TMCC1: variants seen among roughly 807,000 people sequenced by gnomAD.
TMCC1 encodes transmembrane and coiled-coil domains protein 1.
Under a neutral mutation model 52.4 loss-of-function variants are expected in TMCC1, and 15 were observed. The observed-to-expected ratio is 0.29, with a 90% CI of 0.19 to 0.44. The LOEUF (loss-of-function observed/expected upper bound fraction) is 0.44, where lower values mean the gene tolerates loss of function less well. Among genes scored for constraint, TMCC1 ranks in the 20% least tolerant of loss-of-function variants. The pLI is 1.00. For synonymous variants in TMCC1, 279 were observed against 301.9 expected (o/e 0.92, Z 0.79); for missense variants, 503 against 806.0 (o/e 0.62, Z 4.55).
chr3:129,703,879 C>T (rs2108979217), intron 4 of TMCC1, among the ~76,000 whole-genome samples: 1 of 152,244 alleles, frequency 6.6e-6, no homozygotes, highest in African/African-American at 2.4e-5. Context: ...TCATTTCTTC[C>T]TGAGACATTA....
intron 4 of TMCC1, among the ~76,000 whole-genome samples, chr3:129,755,518 T>C (rs1161230831): frequency 1.3e-5 from 2 of 152,046 alleles, no homozygotes; most frequent in Non-Finnish European, 2.9e-5. Flanking sequence ...AAAGATCTAA[T>C]CCAGAATATG....
chr3:129,754,907 G>A (rs550602275), intron 4 of TMCC1, among the ~76,000 whole-genome samples: 35 of 152,030 alleles, frequency 2.3e-4, no homozygotes, highest in African/African-American at 7.2e-4. Flanking sequence ...GTGAAACCTC[G>A]TCTCTACTAA....
At chr3:129,676,858 G>T (rs2088494258) in intron 4 of TMCC1, among the ~76,000 whole-genome samples, 1 of 152,124 alleles carries the variant, frequency 6.6e-6, no homozygotes, top group African/African-American at 2.4e-5. Context: ...GATGTATTAA[G>T]TCAGATGATG....
At chr3:129,766,669 G>A (rs1349346163) in intron 4 of TMCC1, among the ~76,000 whole-genome samples, 1 of 151,898 alleles carries the variant, frequency 6.6e-6, no homozygotes, top group South Asian at 2.1e-4. Context: ...CGCCCAGGCT[G>A]GAGTGTAGCA....
chr3:129,747,916 G>A (rs367836469), intron 4 of TMCC1, among the ~76,000 whole-genome samples: 1 of 152,084 alleles, frequency 6.6e-6, no homozygotes, highest in African/African-American at 2.4e-5. Context: ...AACTAAGAAA[G>A]AACCCTGTAA....
intron 4 of TMCC1, among the ~76,000 whole-genome samples, chr3:129,674,399 A>G (rs1330317297): frequency 6.6e-6 from 1 of 152,182 alleles, no homozygotes; most frequent in Non-Finnish European, 1.5e-5. Flanking sequence ...CTTCAGCAGT[A>G]AGGTAGTTTA....
chr3:129,812,445 T>C (rs915874161), intron 4 of TMCC1, among the ~76,000 whole-genome samples: 1 of 151,628 alleles, frequency 6.6e-6, no homozygotes, highest in African/African-American at 2.4e-5. Flanking sequence ...TGGTACTCTG[T>C]AGGACTACAA....
At chr3:129,725,057 T>A (rs1361003853) in intron 4 of TMCC1, among the ~76,000 whole-genome samples, 3 of 152,218 alleles carry the variant, frequency 2.0e-5, no homozygotes, top group Admixed American at 6.5e-5. Flanking sequence ...AAATTTCTGA[T>A]AAAGTTTTTG....
chr3:129,850,116 C>T (rs2059850332), intron 2 of TMCC1, among the ~76,000 whole-genome samples: 1 of 152,126 alleles, frequency 6.6e-6, no homozygotes. Context: ...TGGAAGGATA[C>T]TACCACCTCC....
chr3:129,811,533 G>C (rs1187758425), intron 4 of TMCC1, among the ~76,000 whole-genome samples: 4 of 152,258 alleles, frequency 2.6e-5, no homozygotes, highest in Middle Eastern at 3.4e-3. Flanking sequence ...CTCCCAAAGT[G>C]CTGGGATTAG....
chr3:129,879,018 T>C (rs2061347022), intron 2 of TMCC1, among the ~76,000 whole-genome samples: 1 of 152,240 alleles, frequency 6.6e-6, no homozygotes. Flanking sequence ...TACTCAAATG[T>C]CACCTTCTGT....
intron 4 of TMCC1, among the ~76,000 whole-genome samples, chr3:129,713,268 C>T (rs1470729961): frequency 1.3e-5 from 2 of 152,038 alleles, no homozygotes; most frequent in Admixed American, 6.6e-5. Context: ...CTCTAAAACT[C>T]GTAGGTAATC....
chr3:129,893,385 T>G (rs1408365731), intron 1 of TMCC1, 109 bp downstream of exon 1: 1 of 152,334 alleles, frequency 6.6e-6, no homozygotes, highest in Non-Finnish European at 1.5e-5. Flanking sequence ...CAGGCCCGCG[T>G]CCGCTGCGCC....
intron 5 of TMCC1, among the ~76,000 whole-genome samples, chr3:129,668,379 A>G (rs193202032): frequency 6.6e-6 from 1 of 152,330 alleles, no homozygotes; most frequent in African/African-American, 2.4e-5. Flanking sequence ...TTTCACTTAA[A>G]TATCACAATA....
In TMCC1 at chr3:129,660,854, C is replaced by T. The variant is rs1290151290; in HGVS notation, c.1512-5751G>A. Among the ~76,000 whole-genome samples the T allele has an allele frequency of 2.0e-5, 3 of 152,148 alleles. No homozygotes were observed. In the East Asian group the frequency reaches 5.8e-4, roughly 29 times the overall value. ...TATTCAGAGGCATAATCATGGTGCA[C>T]TGCAGCCTCAAACTCCTGGGCTCAA... On this transcript the variant is annotated intron_variant, in intron 5 of 6. Transcript: ENST00000393238.
intron 4 of TMCC1, among the ~76,000 whole-genome samples, chr3:129,745,343 G>C (rs772200116): frequency 3.1e-4 from 47 of 152,352 alleles, no homozygotes; most frequent in Non-Finnish European, 5.7e-4. Context: ...TGTGAGCACA[G>C]AGAATAACAC....
intron 4 of TMCC1, among the ~76,000 whole-genome samples, chr3:129,685,277 G>A (rs2089316359): frequency 6.6e-6 from 1 of 152,016 alleles, no homozygotes; most frequent in South Asian, 2.1e-4. Flanking sequence ...CTACTCAGGA[G>A]GCTAAGTGAG....
At chr3:129,752,187 G>C (rs2052585472) in intron 4 of TMCC1, among the ~76,000 whole-genome samples, 1 of 152,116 alleles carries the variant, frequency 6.6e-6, no homozygotes, top group African/African-American at 2.4e-5. Context: ...AGGAGAAATG[G>C]CATCAGCAGA....
intron 4 of TMCC1, among the ~76,000 whole-genome samples, chr3:129,677,884 A>G (rs2088596170): frequency 6.6e-6 from 1 of 152,188 alleles, no homozygotes; most frequent in South Asian, 2.1e-4. Context: ...CAGATATCCA[A>G]CTACCTACTT....
Sources: allele counts gnomAD v4.1 joint callset (sites outside exome capture counted in the v4.1 genomes callset), GRCh38; gene constraint gnomAD v4.1.1; transcripts MANE v1.5; gene names NCBI Gene and HGNC (gene_info 2026-07-23, HGNC 2026-07-21).